The following CCDC169 variants were observed in gnomAD, a reference collection of about 807,000 sequenced individuals.
The protein encoded by CCDC169 is coiled-coil domain-containing protein 169.
Under a neutral mutation model 36.0 loss-of-function variants are expected in CCDC169, and 30 were observed. That is an observed-to-expected ratio of 0.83 (90% CI 0.62 to 1.13). The LOEUF (loss-of-function observed/expected upper bound fraction) is 1.13, where lower values mean the gene tolerates loss of function less well. CCDC169 is among the 50% of genes most tolerant of loss of function. The probability of loss-of-function intolerance (pLI) is 0.00; values close to 1 mark genes in which losing one functional copy is unlikely to be tolerated. For synonymous variants in CCDC169, 85 were observed against 81.5 expected, an observed-to-expected ratio of 1.04 and a Z score of -0.23; for missense variants, 245 against 245.9, an observed-to-expected ratio of 1.00 and a Z score of 0.03.
chr13:36,288,392 T>C (rs948811327), intron 2 of CCDC169, among the ~76,000 whole-genome samples: 7 of 152,164 alleles, frequency 4.6e-5, no homozygotes, highest in African/African-American at 1.7e-4. Context: ...TATTAAGAAA[T>C]GGAAAAGGTG....
At chr13:36,276,147 C>T (rs1421603730) in intron 4 of CCDC169, among the ~76,000 whole-genome samples, 1 of 152,188 alleles carries the variant, frequency 6.6e-6, no homozygotes, top group South Asian at 2.1e-4. Context: ...AAAGCCAATT[C>T]ATCAAAGGAT....
At chr13:36,257,352 T>C (rs1874024407) in intron 4 of CCDC169, among the ~76,000 whole-genome samples, 1 of 151,902 alleles carries the variant, frequency 6.6e-6, no homozygotes, top group South Asian at 2.1e-4. Flanking sequence ...CCTGGTGAGG[T>C]TCATTACCCT....
rs1566057889 is a variant in CCDC169 at position 36,233,523 on chromosome 13, T to TATG, written c.546-2232_546-2231insCAT. Reference sequence around the variant, plus strand: ...ATAGAGAAAGACTTTAAATCTACTATTTTAAAGAACTAAAGGAAATCATAT... The same window carrying TATG: ...ATAGAGAAAGACTTTAAATCTACTATATGTTTAAAGAACTAAAGGAAATCATAT... On this transcript the variant is annotated intron_variant, in intron 7 of 7. Coordinates refer to ENST00000239859, the MANE Select transcript of CCDC169 (RefSeq NM_001144981.3). Among the ~76,000 whole-genome samples, 200 of 151,698 alleles carry TATG rather than the reference T, an allele frequency of 1.3e-3. 3 individuals carry two copies. In the East Asian group the frequency reaches 0.036, roughly 27 times the overall value.
intron 6 of CCDC169, among the ~76,000 whole-genome samples, 198 bp downstream of exon 6, chr13:36,253,605 G>A (rs1340400594): frequency 6.6e-6 from 1 of 152,126 alleles, no homozygotes; most frequent in African/African-American, 2.4e-5. Flanking sequence ...AAAGTGCTGG[G>A]ATTACAGGCT....
At chr13:36,278,381 G>A (rs1375082244) in intron 4 of CCDC169, among the ~76,000 whole-genome samples, 1 of 151,904 alleles carries the variant, frequency 6.6e-6, no homozygotes, top group Non-Finnish European at 1.5e-5. Flanking sequence ...CCTACGTTTC[G>A]AGGGAAAATA....
intron 1 of CCDC169, among the ~76,000 whole-genome samples, chr13:36,297,346 AAC>A (rs1241246233): frequency 6.6e-6 from 1 of 152,218 alleles, no homozygotes; most frequent in Non-Finnish European, 1.5e-5. Context: ...ATCAAAACCA[AAC>A]ACAACTTTTG....
chr13:36,270,161 A>G (rs141533897), intron 4 of CCDC169, among the ~76,000 whole-genome samples: 98 of 152,260 alleles, frequency 6.4e-4, no homozygotes, highest in African/African-American at 2.1e-3. Context: ...CAAGAACTCA[A>G]TCTCTTTTAC....
intron 2 of CCDC169, among the ~76,000 whole-genome samples, chr13:36,293,882 T>C (rs1879190864): frequency 6.6e-6 from 1 of 152,108 alleles, no homozygotes; most frequent in Non-Finnish European, 1.5e-5. Flanking sequence ...TAGGGTGATT[T>C]GCTATGCAGC....
At chr13:36,273,534 G>C (rs984057309) in intron 4 of CCDC169, among the ~76,000 whole-genome samples, 3 of 152,116 alleles carry the variant, frequency 2.0e-5, no homozygotes, top group African/African-American at 7.2e-5. Context: ...CTAAAATGGG[G>C]AACATTCTAA....
chr13:36,264,044 G>A (rs974075495), intron 4 of CCDC169, among the ~76,000 whole-genome samples: 8 of 152,078 alleles, frequency 5.3e-5, no homozygotes, highest in African/African-American at 1.9e-4. Context: ...TTTTAGTATA[G>A]TTTTAATGGA....
intron 4 of CCDC169, chr13:36,280,790 C>T (rs552205134): frequency 5.3e-5 from 8 of 152,258 alleles, no homozygotes; most frequent in African/African-American, 1.4e-4. Context: ...ACATGTTGAA[C>T]GAATATGTAT....
intron 4 of CCDC169, among the ~76,000 whole-genome samples, chr13:36,259,370 G>A (rs969390998): frequency 8.5e-5 from 13 of 152,146 alleles, no homozygotes; most frequent in African/African-American, 3.1e-4. Context: ...AGTTGTCCAA[G>A]TTCTTGGTGT....
At chr13:36,282,628 T>C in intron 4 of CCDC169, 1 of 688,800 alleles carries the variant, frequency 1.5e-6, no homozygotes, top group Non-Finnish European at 1.8e-6. Flanking sequence ...TAATATTTCT[T>C]CAGTCCTTTA....
intron 2 of CCDC169, among the ~76,000 whole-genome samples, chr13:36,291,491 A>G (rs1878891867): frequency 6.6e-6 from 1 of 151,904 alleles, no homozygotes; most frequent in South Asian, 2.1e-4. Flanking sequence ...TAAAAACCCT[A>G]TTTTCTAACT....
At chr13:36,247,291 C>A (rs1872625676) in intron 7 of CCDC169, among the ~76,000 whole-genome samples, 1 of 152,158 alleles carries the variant, frequency 6.6e-6, no homozygotes, top group African/African-American at 2.4e-5. Context: ...GTTTAAATGC[C>A]TGCTAACATA....
chr13:36,236,093 T>G (rs1566059277), intron 7 of CCDC169, among the ~76,000 whole-genome samples: 1 of 152,006 alleles, frequency 6.6e-6, no homozygotes. Flanking sequence ...GATCTACAGA[T>G]TCAACATACT....
At chr13:36,292,520 T>C (rs1456019562) in intron 2 of CCDC169, among the ~76,000 whole-genome samples, 1 of 152,214 alleles carries the variant, frequency 6.6e-6, no homozygotes, top group African/African-American at 2.4e-5. Flanking sequence ...CAGTTTCCTA[T>C]GAATCCTAAA....
chr13:36,248,527 T>TA, intron 7 of CCDC169, 79 bp downstream of exon 7: 1 of 1,359,422 alleles, frequency 7.4e-7, no homozygotes, highest in South Asian at 1.3e-5. Flanking sequence ...GCTTCCAAAA[T>TA]ATAGTGGACA....
At chr13:36,291,987 TTC>T (rs1566092934) in intron 2 of CCDC169, among the ~76,000 whole-genome samples, 2 of 143,566 alleles carry the variant, frequency 1.4e-5, no homozygotes, top group East Asian at 5.5e-4. Flanking sequence ...TCAATAAGTC[TTC>T]TTTTTTTTTT....
Sources: gnomAD v4.1 joint callset for allele counts (sites outside exome capture counted in the v4.1 genomes callset) on GRCh38, gnomAD v4.1.1 for gene constraint, MANE v1.5 for transcripts, NCBI Gene and HGNC (gene_info 2026-07-23, HGNC 2026-07-21) for gene names.